The following PRKG1 variants were observed in gnomAD, a reference collection of about 807,000 sequenced individuals.
PRKG1 encodes protein kinase cGMP-dependent 1, also known as cGMP-dependent protein kinase 1.
Under a neutral mutation model 88.1 loss-of-function variants are expected in PRKG1, and 35 were observed. That is an observed-to-expected ratio of 0.40 (90% CI 0.30 to 0.53). The LOEUF (loss-of-function observed/expected upper bound fraction) is 0.53. Ranked by LOEUF, PRKG1 falls within the 20% of genes least tolerant of loss-of-function variation. PRKG1 has a pLI of 0.59. For synonymous variants in PRKG1, 303 were observed against 292.5 expected (o/e 1.04, Z -0.37); for missense variants, 540 against 839.8 (o/e 0.64, Z 4.41).
chr10:51,338,838 T>C (rs1270488376), intron 2 of PRKG1, among the ~76,000 whole-genome samples: 2 of 152,202 alleles, frequency 1.3e-5, no homozygotes, highest in East Asian at 3.8e-4. Flanking sequence ...TTCCTACTTT[T>C]TTGTCAAATG....
intron 2 of PRKG1, among the ~76,000 whole-genome samples, chr10:51,415,835 T>C (rs1218230111): frequency 6.6e-6 from 1 of 152,122 alleles, no homozygotes; most frequent in African/African-American, 2.4e-5. Flanking sequence ...CATTTTAATA[T>C]TTTCCTTAGT....
At chr10:51,230,054 C>T (rs1203140079) in intron 2 of PRKG1, among the ~76,000 whole-genome samples, 1 of 151,482 alleles carries the variant, frequency 6.6e-6, no homozygotes, top group East Asian at 1.9e-4. Flanking sequence ...TTTTTCAACA[C>T]GTACAAGGAT....
chr10:52,243,669 G>T (rs1370168761), intron 9 of PRKG1, among the ~76,000 whole-genome samples: 1 of 152,116 alleles, frequency 6.6e-6, no homozygotes, highest in African/African-American at 2.4e-5. Flanking sequence ...CTTATCAGCA[G>T]CTGGTTTACC....
chr10:51,664,461 A>G (rs895070042), intron 3 of PRKG1, among the ~76,000 whole-genome samples: 1 of 152,082 alleles, frequency 6.6e-6, no homozygotes, highest in Non-Finnish European at 1.5e-5. Flanking sequence ...CTTACTACCC[A>G]CTTGAAATAC....
intron 3 of PRKG1, among the ~76,000 whole-genome samples, chr10:51,803,062 C>G (rs1188626327): frequency 6.6e-6 from 1 of 152,098 alleles, no homozygotes; most frequent in Non-Finnish European, 1.5e-5. Flanking sequence ...GTCCCACTTC[C>G]TGTTCCAACT....
intron 2 of PRKG1, among the ~76,000 whole-genome samples, chr10:51,232,093 A>T (rs1054439973): frequency 4.6e-5 from 7 of 152,184 alleles, no homozygotes; most frequent in African/African-American, 1.7e-4. Context: ...TACTAAAAAG[A>T]GGTTCACAGT....
chr10:51,832,459 G>A (rs1398732711), intron 4 of PRKG1, among the ~76,000 whole-genome samples: 1 of 152,018 alleles, frequency 6.6e-6, no homozygotes, highest in Non-Finnish European at 1.5e-5. Context: ...GCTGAATCAA[G>A]AATATCATTT....
At chr10:52,197,163 C>T (rs1418858144) in intron 9 of PRKG1, among the ~76,000 whole-genome samples, 1 of 152,032 alleles carries the variant, frequency 6.6e-6, no homozygotes, top group African/African-American at 2.4e-5. Flanking sequence ...TGTATTTCCT[C>T]GTAAAGTTAA....
chr10:51,890,457 A>G (rs1215112262), intron 4 of PRKG1, among the ~76,000 whole-genome samples: 1 of 152,226 alleles, frequency 6.6e-6, no homozygotes, highest in Non-Finnish European at 1.5e-5. Flanking sequence ...ATATTCATTC[A>G]GTTAGCCATG....
intron 3 of PRKG1, among the ~76,000 whole-genome samples, chr10:51,620,055 G>T (rs192163948): frequency 6.6e-6 from 1 of 152,060 alleles, no homozygotes; most frequent in Non-Finnish European, 1.5e-5. Flanking sequence ...TATCTGAATG[G>T]TTGTTGTGTT....
At chr10:52,115,679 C>A (rs1397369273) in intron 7 of PRKG1, among the ~76,000 whole-genome samples, 1 of 152,098 alleles carries the variant, frequency 6.6e-6, no homozygotes, top group Non-Finnish European at 1.5e-5. Context: ...CACCTTTAGC[C>A]TACTCTGATC....
chr10:52,288,656 TA>T, intron 14 of PRKG1, 69 bp from the exon 15 acceptor site: 1 of 1,448,922 alleles, frequency 6.9e-7, no homozygotes, highest in East Asian at 2.3e-5. Context: ...CTGTGGAGTT[TA>T]TAGCAATTCA....
chr10:51,790,121 C>A (rs1380843225), intron 3 of PRKG1, among the ~76,000 whole-genome samples: 1 of 152,166 alleles, frequency 6.6e-6, no homozygotes, highest in African/African-American at 2.4e-5. Context: ...CCACACCCAG[C>A]CTCAGTCATT....
intron 2 of PRKG1, among the ~76,000 whole-genome samples, chr10:51,408,607 A>G (rs181150486): frequency 1.3e-5 from 2 of 152,306 alleles, no homozygotes; most frequent in African/African-American, 2.4e-5. Flanking sequence ...GGATGGTGCC[A>G]TATCGAGTGC....
chr10:52,198,842 G>A (rs1839582670), intron 9 of PRKG1, among the ~76,000 whole-genome samples: 1 of 151,836 alleles, frequency 6.6e-6, no homozygotes, highest in Non-Finnish European at 1.5e-5. Flanking sequence ...GTGCATGTGT[G>A]TGTAAGCTCA....
chr10:52,275,573 G>A (rs1841852999), intron 12 of PRKG1, among the ~76,000 whole-genome samples: 1 of 152,062 alleles, frequency 6.6e-6, no homozygotes, highest in African/African-American at 2.4e-5. Flanking sequence ...ATGCTGTTTT[G>A]GTGACTATGG....
chr10:52,055,960 A>G (rs556978893), intron 6 of PRKG1, among the ~76,000 whole-genome samples: 1 of 152,194 alleles, frequency 6.6e-6, no homozygotes, highest in Non-Finnish European at 1.5e-5. Flanking sequence ...AAGTGTATGC[A>G]TATGTCAGTA....
At chr10:50,995,738 A>T (rs1286901139) in intron 1 of PRKG1, among the ~76,000 whole-genome samples, 1 of 152,140 alleles carries the variant, frequency 6.6e-6, no homozygotes, top group Admixed American at 6.5e-5. Flanking sequence ...ACCGCACACA[A>T]TTTTTTAATG....
chr10:51,760,611 A>G (rs1837995418), intron 3 of PRKG1, among the ~76,000 whole-genome samples: 1 of 151,714 alleles, frequency 6.6e-6, no homozygotes, highest in Non-Finnish European at 1.5e-5. Flanking sequence ...AGCTGGGATT[A>G]CAGGCATGTG....
Sources: allele counts gnomAD v4.1 joint callset (sites outside exome capture counted in the v4.1 genomes callset), GRCh38; gene constraint gnomAD v4.1.1; transcripts MANE v1.5; gene names NCBI Gene and HGNC (gene_info 2026-07-23, HGNC 2026-07-21).